The following SMURF2 variants were observed in gnomAD, a reference collection of about 807,000 sequenced individuals.
SMURF2 encodes E3 ubiquitin-protein ligase SMURF2.
A neutral mutation model predicts 109.6 loss-of-function variants in SMURF2; 48 were observed. The observed-to-expected ratio is 0.44, with a 90% CI of 0.35 to 0.56. SMURF2 has a LOEUF of 0.56. Ranked by LOEUF, SMURF2 falls within the 20% of genes least tolerant of loss-of-function variation. SMURF2 has a pLI of 0.01. For synonymous variants in SMURF2, 288 were observed against 317.1 expected, an observed-to-expected ratio of 0.91 and a Z score of 0.97; for missense variants, 575 against 909.0, an observed-to-expected ratio of 0.63 and a Z score of 4.72.
intron 10 of SMURF2, among the ~76,000 whole-genome samples, chr17:64,567,919 T>A (rs1555685193): frequency 6.6e-6 from 1 of 150,388 alleles, no homozygotes; most frequent in Non-Finnish European, 1.5e-5. Flanking sequence ...AGTGGCGCTG[T>A]CTCGGCTCAC....
At position 64,580,965 on chromosome 17, in the gene SMURF2, C is replaced by T; in HGVS notation, c.596G>A (p.Gly199Asp). 2 of 1,614,002 alleles carry T rather than the reference C, an allele frequency of 1.2e-6. No individual in the cohort carries two copies. The highest frequency in any genetic ancestry group is 1.7e-6 in the Non-Finnish European group (2 of 1,179,980). The change falls in exon 8 of 19, where the codon GGC becomes GAC. Residue 199 changes from glycine to aspartate, a missense_variant. By Grantham distance (94) the Gly-to-Asp change is moderately conservative (BLOSUM62 -1). This residue lies in a region of SMURF2 where 151 missense variants were observed against 178.4 expected (regional missense o/e 0.85). Transcript: ENST00000262435. ...TRPASEYSSP[G>D]RPLSCFVDEN... ...ATCAACAAAGCAGCTAAGAGGTCTGCCAGGGCTAGAATATTCGGATGCCGG... is the reference window on the plus strand; with the variant it reads ...ATCAACAAAGCAGCTAAGAGGTCTGTCAGGGCTAGAATATTCGGATGCCGG...
rs373053253 is a variant in SMURF2, at chr17:64,588,195, T to A, written c.401-2025A>T. On this transcript the variant is annotated intron_variant, in intron 5 of 18. Coordinates refer to ENST00000262435, the MANE Select transcript of SMURF2 (RefSeq NM_022739.4). ...ATCACAAAAAAGGTATACATTCAAG[T>A]AATAACAATAACGATACATTAGACT... Among the ~76,000 whole-genome samples the A allele has an allele frequency of 8.6e-5, 13 of 151,028 alleles. No individual in the cohort carries two copies. The East Asian group carries it at 1.2e-3, about 14-fold the overall frequency.
chr17:64,579,921 T>C (rs1969555715), intron 8 of SMURF2, among the ~76,000 whole-genome samples: 1 of 152,238 alleles, frequency 6.6e-6, no homozygotes, highest in Non-Finnish European at 1.5e-5. Flanking sequence ...GCACAGTTAA[T>C]GGACAAGTTT....
intron 1 of SMURF2, among the ~76,000 whole-genome samples, chr17:64,610,574 A>G (rs1555689456): frequency 6.6e-6 from 1 of 152,148 alleles, no homozygotes; most frequent in Non-Finnish European, 1.5e-5. Flanking sequence ...ACATGGACAC[A>G]TGGAGGGGAA....
At chr17:64,626,537 C>T (rs1461346155) in intron 1 of SMURF2, among the ~76,000 whole-genome samples, 4 of 152,076 alleles carry the variant, frequency 2.6e-5, no homozygotes, top group African/African-American at 9.6e-5. Flanking sequence ...CTGAGGCAGG[C>T]GGATCATTTG....
At chr17:64,644,271 G>A (rs530747374) in intron 1 of SMURF2, among the ~76,000 whole-genome samples, 20 of 152,106 alleles carry the variant, frequency 1.3e-4, no homozygotes, top group East Asian at 3.9e-4. Context: ...AAGCCACCGC[G>A]CCCAGCCTCA....
intron 1 of SMURF2, among the ~76,000 whole-genome samples, chr17:64,660,135 T>C (rs1970755517): frequency 1.3e-5 from 2 of 152,220 alleles, no homozygotes; most frequent in African/African-American, 4.8e-5. Flanking sequence ...TTAAGATCTA[T>C]TAAGTCATAC....
chr17:64,563,321 C>A (rs917919169), intron 10 of SMURF2, among the ~76,000 whole-genome samples: 1 of 152,198 alleles, frequency 6.6e-6, no homozygotes, highest in East Asian at 1.9e-4. Flanking sequence ...TAGACTCTTT[C>A]TTTCTGGAAG....
intron 1 of SMURF2, among the ~76,000 whole-genome samples, 181 bp downstream of exon 1, chr17:64,661,648 T>A (rs1970778742): frequency 6.6e-6 from 1 of 151,916 alleles, no homozygotes; most frequent in African/African-American, 2.4e-5. Context: ...CTCGGCTTTT[T>A]AAACAATGTC....
rs539624889 is a variant in SMURF2 at position 64,647,305 on chromosome 17, C to G, written c.52+14524G>C. ...AAAAAGAAAAAAAAATCAGAAGAAA[C>G]TGGGAAAGAGAAAACTAAAATATAT... On this transcript the variant is annotated intron_variant, in intron 1 of 18. Coordinates refer to ENST00000262435, the MANE Select transcript of SMURF2 (RefSeq NM_022739.4). Among the ~76,000 whole-genome samples the G allele has an allele frequency of 5.3e-5, 8 of 151,630 alleles. No individual in the cohort carries two copies. The South Asian group carries it at 1.7e-3, about 32-fold the overall frequency.
At chr17:64,657,193 G>A (rs1371903131) in intron 1 of SMURF2, among the ~76,000 whole-genome samples, 1 of 152,172 alleles carries the variant, frequency 6.6e-6, no homozygotes, top group Admixed American at 6.5e-5. Context: ...GCTTCTTAGA[G>A]TCATAGAGGA....
intron 1 of SMURF2, among the ~76,000 whole-genome samples, chr17:64,645,245 G>T (rs1244687628): frequency 6.6e-6 from 1 of 152,150 alleles, no homozygotes; most frequent in Non-Finnish European, 1.5e-5. Context: ...TAATAAATCT[G>T]TTTTCTATAA....
chr17:64,609,085 AAG>A (rs1970009399), intron 1 of SMURF2, among the ~76,000 whole-genome samples: 2 of 152,358 alleles, frequency 1.3e-5, no homozygotes, highest in South Asian at 4.1e-4. Flanking sequence ...GACCTCTTCA[AAG>A]AGAACTACAA....
chr17:64,632,854 G>A (rs567794960), intron 1 of SMURF2, among the ~76,000 whole-genome samples: 1 of 152,350 alleles, frequency 6.6e-6, no homozygotes, highest in African/African-American at 2.4e-5. Context: ...GTTTTCTGAT[G>A]ACAATATGAT....
In SMURF2 at chr17:64,597,997, T is replaced by A. The variant is rs115853787; in HGVS notation, c.200+385A>T. Among the ~76,000 whole-genome samples, 1,390 of 152,204 alleles carry A rather than the reference T, an allele frequency of 9.1e-3. 27 individuals are homozygous for A. Among genetic ancestry groups the A allele is most frequent in the African/African-American group, 0.032 (1,315 of 41,522 alleles). On this transcript the variant is annotated intron_variant, in intron 3 of 18. Coordinates refer to ENST00000262435, the MANE Select transcript of SMURF2 (RefSeq NM_022739.4). Reference sequence around the variant, plus strand: ...TTTTAAAAAGGTGCATATACTCCAATGGTTTAAAATAAAATTTAAAAGAAA... The same window carrying A: ...TTTTAAAAAGGTGCATATACTCCAAAGGTTTAAAATAAAATTTAAAAGAAA...
chr17:64,630,123 C>CT (rs782582464), intron 1 of SMURF2, among the ~76,000 whole-genome samples: 13 of 152,014 alleles, frequency 8.6e-5, no homozygotes, highest in Non-Finnish European at 1.5e-5. Context: ...GTAGTCCCAG[C>CT]TACTCAGGAG....
chr17:64,644,515 G>T (rs1302876836), intron 1 of SMURF2, among the ~76,000 whole-genome samples: 1 of 150,088 alleles, frequency 6.7e-6, no homozygotes, highest in Admixed American at 6.7e-5. Flanking sequence ...AGGAATGCTT[G>T]AGCCTGGGTG....
chr17:64,640,480 G>T (rs527394407), intron 1 of SMURF2, among the ~76,000 whole-genome samples: 10 of 152,278 alleles, frequency 6.6e-5, no homozygotes, highest in Non-Finnish European at 1.3e-4. Context: ...ATTATATAAG[G>T]TCTTGGATAA....
intron 10 of SMURF2, among the ~76,000 whole-genome samples, chr17:64,566,575 T>TTTTTTTTTTTTTTTTTTTTTTG (rs1568176838): frequency 9.7e-6 from 1 of 103,266 alleles, no homozygotes; most frequent in Non-Finnish European, 2.0e-5. Flanking sequence ...TTTTTTTTTT[T>TTTTTTTTTTTTTTTTTTTTTTG]TTTTTTTTTT....
Sources: allele counts gnomAD v4.1 joint callset (sites outside exome capture counted in the v4.1 genomes callset), GRCh38; gene constraint gnomAD v4.1.1; regional missense constraint gnomAD v4.1.1; transcripts MANE v1.5; gene names NCBI Gene and HGNC (gene_info 2026-07-23, HGNC 2026-07-21).